MYBPH: variants seen among roughly 807,000 people sequenced by gnomAD.
MYBPH encodes myosin binding protein H.
Under a neutral mutation model 53.6 loss-of-function variants are expected in MYBPH, and 49 were observed. That is an observed-to-expected ratio of 0.91 (90% CI 0.73 to 1.16). The LOEUF is 1.16. Among genes scored for constraint, MYBPH ranks in the 50% most tolerant of loss-of-function variants. MYBPH has a pLI of 0.00. For synonymous variants in MYBPH, 239 were observed against 249.6 expected, an observed-to-expected ratio of 0.96 and a Z score of 0.40; for missense variants, 558 against 624.1, an observed-to-expected ratio of 0.89 and a Z score of 1.13.
chr1:203,169,470 T>A, intron 7 of MYBPH, 81 bp from the exon 8 acceptor site: 1 of 1,523,740 alleles, frequency 6.6e-7, no homozygotes, highest in Non-Finnish European at 8.9e-7. Context: ...TGATTCAAGA[T>A]CTATGGATAG....
Position 203,170,352 on chromosome 1 carries a change from G to C in MYBPH, c.1032C>G (p.Asn344Lys). The C allele has an allele frequency of 1.2e-6, 2 of 1,614,216 alleles. No individual in the cohort carries two copies. Among genetic ancestry groups the C allele is most frequent in the East Asian group, 2.2e-5 (1 of 44,890 alleles). Reference sequence around the variant, plus strand: ...TGGCCGAGGTGCTGAGTCCACACAGGTTTTCTGAGAAGACCCGGAAGGAGT... The same window carrying C: ...TGGCCGAGGTGCTGAGTCCACACAGCTTTTCTGAGAAGACCCGGAAGGAGT... ...NSYSFRVFSE[N>K]LCGLSTSATV... The change falls in exon 7 of 11, where the codon AAC becomes AAG. Residue 344 changes from asparagine to lysine, a missense_variant. Asn to Lys is a moderately conservative substitution (Grantham distance 94). Coordinates refer to ENST00000255416, the MANE Select transcript of MYBPH (RefSeq NM_004997.3).
At chr1:203,176,521 C>T (rs578135610), upstream of MYBPH, among the ~76,000 whole-genome samples, 4 of 152,232 alleles carry the variant, frequency 2.6e-5, no homozygotes, top group Admixed American at 2.0e-4. Flanking sequence ...GAGAACCCCT[C>T]GCCCTTCGGG....
At chr1:203,175,208 C>G in intron 2 of MYBPH, 119 bp downstream of exon 2, 1 of 1,286,498 alleles carries the variant, frequency 7.8e-7, no homozygotes, top group African/African-American at 1.5e-5. Flanking sequence ...GCCTACTGCT[C>G]GCATCCCCTC....
chr1:203,171,208 C>A lies in MYBPH; in HGVS notation c.794-8G>T. 2 of 1,583,598 alleles carry A rather than the reference C, an allele frequency of 1.3e-6. No homozygotes were observed. Among genetic ancestry groups the A allele is most frequent in the Non-Finnish European group, 1.7e-6 (2 of 1,166,430 alleles). On this transcript the variant is annotated splice_polypyrimidine_tract_variant and splice_region_variant and intron_variant, in intron 5 of 10. Transcript: ENST00000255416. The surrounding 1 kb of genome is among the most constrained non-coding windows in gnomAD (Gnocchi z 4.2). ...TGGGGGGTCCAGGTTTCTCTGTAGG[C>A]CCAGAGTGTGAGAGGAAGTGAGTGT...
Position 203,169,295 on chromosome 1 carries a change from G to T in MYBPH, c.1188C>A (p.Gly396=). ...QPLADHTSTP[G]YSTQLFCSVR... Reference sequence around the variant, plus strand: ...CACTGCAGAACAACTGGGTGCTGTAGCCAGGGGTGGAGGTGTGGTCAGCCA... The same window carrying T: ...CACTGCAGAACAACTGGGTGCTGTATCCAGGGGTGGAGGTGTGGTCAGCCA... The change falls in exon 8 of 11, where the codon GGC becomes GGA. Residue 396 remains glycine (G), a synonymous_variant. Coordinates refer to ENST00000255416, the MANE Select transcript of MYBPH (RefSeq NM_004997.3). 1 of 1,613,672 alleles carries T rather than the reference G, an allele frequency of 6.2e-7. No homozygotes were observed. The highest frequency in any genetic ancestry group is 8.5e-7 in the Non-Finnish European group (1 of 1,179,768).
intron 6 of MYBPH, 48 bp from the exon 7 acceptor site, chr1:203,170,498 C>A (rs1365215657): frequency 6.3e-7 from 1 of 1,593,522 alleles, no homozygotes; most frequent in Non-Finnish European, 8.6e-7. Context: ...TGTCCTCACC[C>A]TCCCTGCTTA....
upstream of MYBPH, among the ~76,000 whole-genome samples, chr1:203,178,318 T>C (rs1223051923): frequency 6.6e-6 from 1 of 151,970 alleles, no homozygotes; most frequent in Non-Finnish European, 1.5e-5. Context: ...AGGGGAGGGG[T>C]GAACAGAACA....
chr1:203,171,518 C>T lies in MYBPH; in HGVS notation c.658G>A (p.Val220Met), dbSNP rs1655696278. The change falls in exon 5 of 11, where the codon GTG (valine) becomes ATG (methionine). Residue 220 changes from valine (V) to methionine (M), a missense_variant. By Grantham distance (21) the Val-to-Met change is conservative (BLOSUM62 1). Coordinates refer to ENST00000255416, the MANE Select transcript of MYBPH (RefSeq NM_004997.3). The surrounding 1 kb of genome is among the most constrained non-coding windows in gnomAD (Gnocchi z 4.2). ...HNGHALDSQRVSMRTGDQDSI... is the reference protein window; with the variant it reads ...HNGHALDSQRMSMRTGDQDSI... ...TCCTGGTCCCCGGTGCGCATGCTCA[C>T]CCGCTGGCTGTCCAGGGCATGGCCG... 1.2e-6 allele frequency: 2 copies of T among 1,613,626 alleles called. No homozygotes were observed. The highest frequency in any genetic ancestry group is 1.3e-5 in the African/African-American group (1 of 74,942).
Position 203,175,570 on chromosome 1 carries a change from C to T in MYBPH, c.186G>A (p.Lys62=). 1 of 1,614,064 alleles carries T rather than the reference C, an allele frequency of 6.2e-7. No individual in the cohort carries two copies. Among genetic ancestry groups the T allele is most frequent in the Non-Finnish European group, 8.5e-7 (1 of 1,179,992 alleles). ...AGTCACCTTCACTTGGGGGTGCAGG[C>T]TTAGTGGCTGTGGAGGCTGTAGGGG... ...PQAPTASTAT[K]PAPPSEDVPS... is the part of the protein sequence containing the mutation. Residue 62 remains lysine, a synonymous_variant, in exon 1 of 11, where the codon AAG becomes AAA. Coordinates refer to ENST00000255416, the MANE Select transcript of MYBPH (RefSeq NM_004997.3).
intron 3 of MYBPH, among the ~76,000 whole-genome samples, chr1:203,172,299 TC>T (rs1467468856): frequency 6.6e-6 from 1 of 152,046 alleles, no homozygotes. Flanking sequence ...TCCTGGGCAC[TC>T]CCTTGGCGCC....
At chr1:203,169,431 G>A in intron 7 of MYBPH, 42 bp from the exon 8 acceptor site, 1 of 1,551,580 alleles carries the variant, frequency 6.4e-7, no homozygotes, top group South Asian at 1.2e-5. Context: ...GAGCTTACAG[G>A]AGTGAGGGAG....
rs763124773 is a variant in MYBPH, at chr1:203,175,597, C to T, written c.159G>A (p.Gln53=). 22 of 1,613,752 alleles carry T rather than the reference C, an allele frequency of 1.4e-5. No homozygotes were observed. Among genetic ancestry groups the T allele is most frequent in the Non-Finnish European group, 1.8e-5 (21 of 1,180,014 alleles). Residue 53 remains glutamine, a synonymous_variant, in exon 1 of 11, where the codon CAG becomes CAA. Transcript: ENST00000255416. ...QVPKPQAPAP[Q]APTASTATKP... is the part of the protein sequence containing the mutation. Reference sequence around the variant, plus strand: ...TAGTGGCTGTGGAGGCTGTAGGGGCCTGTGGGGCAGGGGCCTGCGGCTTGG... The same window carrying T: ...TAGTGGCTGTGGAGGCTGTAGGGGCTTGTGGGGCAGGGGCCTGCGGCTTGG...
At position 203,168,895 on chromosome 1, in the gene MYBPH, CA is replaced by C. The variant is rs750861124; in HGVS notation, c.1417+10del. On this transcript the variant is annotated intron_variant, in intron 9 of 10. Coordinates refer to ENST00000255416, the MANE Select transcript of MYBPH (RefSeq NM_004997.3). ...GTGCTTACTCCTGTTCTCCCGTCCT[CA>C]AACTCTCACCTTTGACCTCCAGCCG... 6.2e-7 allele frequency: 1 copy of C among 1,613,750 alleles called. No individual in the cohort carries two copies. The highest frequency in any genetic ancestry group is 8.5e-7 in the Non-Finnish European group (1 of 1,179,844).
chr1:203,169,311 T>C lies in MYBPH; in HGVS notation c.1172A>G (p.His391Arg), dbSNP rs373470294. The C allele has an allele frequency of 1.2e-6, 2 of 1,613,390 alleles. No individual in the cohort carries two copies. Residue 391 changes from histidine (H) to arginine (R), a missense_variant, in exon 8 of 11, where the codon CAC becomes CGC. Physicochemically the swap from His to Arg is conservative, Grantham distance 29 (BLOSUM62 0). Coordinates refer to ENST00000255416, the MANE Select transcript of MYBPH (RefSeq NM_004997.3). The stretch of plus-strand genomic sequence containing the variant: ...GGTGCTGTAGCCAGGGGTGGAGGTG[T>C]GGTCAGCCAGGGGCTGGGTGAATGA... Reference protein sequence around the residue: ...APSFTQPLADHTSTPGYSTQL... With the variant: ...APSFTQPLADRTSTPGYSTQL...
At position 203,169,489 on chromosome 1, in the gene MYBPH, G is replaced by A. The variant is rs1655655599; in HGVS notation, c.1094-100C>T. On this transcript the variant is annotated intron_variant, in intron 7 of 10. Transcript: ENST00000255416. ...TCAAGATCTATGGATAGCAAGTCGT[G>A]GCTTATTTGCAGGAACTTGGACAAT... is the stretch of plus-strand genomic sequence containing the variant. The A allele has an allele frequency of 5.4e-6, 8 of 1,489,280 alleles. No individual in the cohort carries two copies. In the East Asian group the frequency reaches 1.7e-4, roughly 32 times the overall value. The allele number at this position is 1,489,280 out of a possible 1,614,324, so 92.3% of individuals were successfully genotyped here.
Position 203,171,438 on chromosome 1 carries a change from G to A in MYBPH, c.738C>T (p.Leu246=), listed in dbSNP as rs1211558871. 1.2e-6 allele frequency: 2 copies of A among 1,613,792 alleles called. No homozygotes were observed. Among genetic ancestry groups the A allele is most frequent in the East Asian group, 2.2e-5 (1 of 44,892 alleles). Residue 246 remains leucine, a synonymous_variant, in exon 5 of 11, where the codon CTC becomes CTT. Coordinates refer to ENST00000255416, the MANE Select transcript of MYBPH (RefSeq NM_004997.3). The surrounding 1 kb of genome is among the most constrained non-coding windows in gnomAD (Gnocchi z 4.2). ...CCTCCAGGTCTTCCACGCGCACAGT[G>A]AGCTCGTAGCGGCCAGAGTCGGAGC... The part of the protein sequence containing the change: ...AQRSDSGRYE[L]TVRVEDLEAK...
upstream of MYBPH, among the ~76,000 whole-genome samples, chr1:203,177,128 T>C (rs1655826750): frequency 6.6e-6 from 1 of 152,164 alleles, no homozygotes; most frequent in African/African-American, 2.4e-5. Context: ...TAAATCCAAA[T>C]GCAGTCAACA....
chr1:203,177,788 G>A (rs1054108217), upstream of MYBPH, among the ~76,000 whole-genome samples: 1 of 152,240 alleles, frequency 6.6e-6, no homozygotes, highest in African/African-American at 2.4e-5. Flanking sequence ...TTTCAAAGAT[G>A]CCTGTGTGGT....
intron 2 of MYBPH, among the ~76,000 whole-genome samples, chr1:203,174,856 G>A (rs2102193198): frequency 6.6e-6 from 1 of 152,090 alleles, no homozygotes; most frequent in South Asian, 2.1e-4. Context: ...CAGCAAGGTA[G>A]GGGCAGAGGC....
Sources: allele counts gnomAD v4.1 joint callset (sites outside exome capture counted in the v4.1 genomes callset), GRCh38; gene constraint gnomAD v4.1.1; non-coding constraint Gnocchi (gnomAD v3.1); transcripts MANE v1.5; gene names NCBI Gene and HGNC (gene_info 2026-07-23, HGNC 2026-07-21).